The following DOCK10 variants were observed in gnomAD, a reference collection of about 807,000 sequenced individuals.
DOCK10 encodes dedicator of cytokinesis 10.
In DOCK10, 145 loss-of-function variants were observed where a neutral mutation model predicts 280.1. That is an observed-to-expected ratio of 0.52 (90% CI 0.45 to 0.59). DOCK10 has a LOEUF of 0.59. Ranked by LOEUF, DOCK10 falls within the 20% of genes least tolerant of loss-of-function variation. The pLI is 0.00. For missense variants in DOCK10, 2,368 were observed against 2,651.7 expected (o/e 0.89, Z 2.35); for synonymous variants, 915 against 942.2 (o/e 0.97, Z 0.53).
intron 3 of DOCK10, among the ~76,000 whole-genome samples, chr2:224,899,300 C>G (rs1485726278): frequency 6.6e-6 from 1 of 152,150 alleles, no homozygotes; most frequent in East Asian, 1.9e-4. Context: ...ATATTATCCC[C>G]TAATTCCCTA....
rs752888573 is a variant in DOCK10 at position 224,795,089 on chromosome 2, G to A, written c.4944C>T (p.Ser1648=). Residue 1648 remains serine, a synonymous_variant, in exon 45 of 56, where the codon AGC becomes AGT. Transcript: ENST00000258390. ...FANGDKQMKN[S]NFPAEVKDLT... is the part of the protein sequence containing the mutation. ...GGTCCTTCACCTCTGCTGGGAAATT[G>A]CTGTTCTTTGGAAAAGAGAGAGCCT... 1 of 1,613,674 alleles carries A rather than the reference G, an allele frequency of 6.2e-7. No homozygotes were observed. The highest frequency in any genetic ancestry group is 1.7e-5 in the Admixed American group (1 of 59,998).
chr2:224,785,761 G>A (rs1183382882), intron 50 of DOCK10, among the ~76,000 whole-genome samples: 2 of 152,186 alleles, frequency 1.3e-5, no homozygotes, highest in Non-Finnish European at 2.9e-5. Flanking sequence ...TTACAGGCGT[G>A]AGCCATGGCG....
In DOCK10 at chr2:224,875,973, T is replaced by C. The variant is rs575739635; in HGVS notation, c.931+65A>G. 7.2e-4 allele frequency: 1,107 copies of C among 1,527,546 alleles called. 15 individuals are homozygous for C. The highest frequency in any genetic ancestry group is 6.4e-3 in the South Asian group (512 of 80,118). 94.6% of individuals were successfully genotyped at this position (1,527,546 alleles called of 1,614,324 possible). A position where few individuals can be genotyped will look rare whatever the true frequency, so the allele number is the denominator to read the frequency against. On this transcript the variant is annotated intron_variant, in intron 8 of 55. Coordinates refer to ENST00000258390, the MANE Select transcript of DOCK10 (RefSeq NM_014689.3). Reference sequence around the variant, plus strand: ...GACAGCAACTACAATGCCTAGCAGCTTTAGTGAACCAAAAACACAGGTCAC... The same window carrying C: ...GACAGCAACTACAATGCCTAGCAGCCTTAGTGAACCAAAAACACAGGTCAC...
At chr2:224,811,312 GC>G (rs1693756588) in intron 31 of DOCK10, among the ~76,000 whole-genome samples, 1 of 152,112 alleles carries the variant, frequency 6.6e-6, no homozygotes, top group Non-Finnish European at 1.5e-5. Flanking sequence ...CATATGCTTT[GC>G]CCACTTTTTG....
At position 225,007,827 on chromosome 2, in the gene DOCK10, A is replaced by C. The variant is rs777516396; in HGVS notation, c.123+34425T>G. ...AATGATGGTTAGCTTTGGAAAGATA[A>C]GACTACAACAGGCTTGACAATTGTT... On this transcript the variant is annotated intron_variant, in intron 1 of 55. Coordinates refer to ENST00000258390, the MANE Select transcript of DOCK10 (RefSeq NM_014689.3). Among the ~76,000 whole-genome samples the C allele has an allele frequency of 8.5e-5, 13 of 152,358 alleles. No individual in the cohort carries two copies. In the South Asian group the frequency reaches 1.2e-3, roughly 15 times the overall value.
In DOCK10 at chr2:224,993,602, A is replaced by T. The variant is rs548730230; in HGVS notation, c.123+48650T>A. 7.2e-5 allele frequency among the ~76,000 whole-genome samples: 11 copies of T among 152,324 alleles called. No homozygotes were observed. The South Asian group carries it at 2.3e-3, about 32-fold the overall frequency. ...GCATTTCAGATGAGAAGAATGCAAG[A>T]CAGGATGCAGGATATTCATGTTCAT... On this transcript the variant is annotated intron_variant, in intron 1 of 55. Coordinates refer to ENST00000258390, the MANE Select transcript of DOCK10 (RefSeq NM_014689.3).
In DOCK10 at chr2:224,970,405, C is replaced by T. The variant is rs1039568299; in HGVS notation, c.124-38737G>A. ...AGGCTCAGGGAACTCAGGGAATTAT[C>T]CGAAGTCCTACAGTTCTCAAAAGGC... On this transcript the variant is annotated intron_variant, in intron 1 of 55. Coordinates refer to ENST00000258390, the MANE Select transcript of DOCK10 (RefSeq NM_014689.3). This position sits in a 1 kb window ranked among gnomAD's most constrained non-coding sequence, Gnocchi z 4.6. 1.3e-5 allele frequency among the ~76,000 whole-genome samples: 2 copies of T among 152,170 alleles called. No individual in the cohort carries two copies. The highest frequency in any genetic ancestry group is 4.8e-5 in the African/African-American group (2 of 41,424).
In DOCK10 at chr2:224,805,659, C is replaced by T; in HGVS notation, c.3815-130G>A. 8.3e-7 allele frequency: 1 copy of T among 1,210,688 alleles called. No individual in the cohort carries two copies. The highest frequency in any genetic ancestry group is 1.1e-6 in the Non-Finnish European group (1 of 870,576). The allele number at this position is 1,210,688 out of a possible 1,614,324, so 75.0% of individuals were successfully genotyped here. On this transcript the variant is annotated intron_variant, in intron 34 of 55. Transcript: ENST00000258390. The surrounding 1 kb of genome is among the most constrained non-coding windows in gnomAD (Gnocchi z 4.3). ...GCAGTGTTGTCAAAGACCAACATAA[C>T]AGCGTCTGGGATTGGCATTAAAGCC...
At chr2:224,848,004 A>T (rs949681712) in intron 19 of DOCK10, among the ~76,000 whole-genome samples, 1 of 152,216 alleles carries the variant, frequency 6.6e-6, no homozygotes. Flanking sequence ...TTATAAGAGG[A>T]AGGCAGAGTC....
chr2:224,836,900 A>ATT (rs35550784), intron 25 of DOCK10, among the ~76,000 whole-genome samples: 10 of 149,816 alleles, frequency 6.7e-5, no homozygotes, highest in African/African-American at 1.7e-4. Flanking sequence ...CGCTTGGCCG[A>ATT]TTTTTTTTTT....
intron 1 of DOCK10, among the ~76,000 whole-genome samples, chr2:224,967,332 G>A (rs982370700): frequency 2.0e-5 from 3 of 152,096 alleles, no homozygotes; most frequent in Admixed American, 6.5e-5. Flanking sequence ...TGCCCACCTC[G>A]GCCTCCCAAA....
chr2:224,808,229 T>G, intron 31 of DOCK10, 143 bp from the exon 32 acceptor site: 1 of 755,442 alleles, frequency 1.3e-6, no homozygotes, highest in Non-Finnish European at 2.1e-6. Context: ...AGAAATGAGG[T>G]GTGTTGTATC....
intron 2 of DOCK10, among the ~76,000 whole-genome samples, chr2:224,919,604 T>A (rs1235068663): frequency 6.6e-6 from 1 of 150,612 alleles, no homozygotes; most frequent in Admixed American, 6.6e-5. Context: ...GAATGTGATG[T>A]GTCAGTGTGT....
chr2:224,948,496 T>C (rs767956007), intron 1 of DOCK10, among the ~76,000 whole-genome samples: 3 of 152,248 alleles, frequency 2.0e-5, no homozygotes, highest in Non-Finnish European at 2.9e-5. Flanking sequence ...ATCTGACAGA[T>C]GAACAGGTAT....
chr2:225,024,379 T>C (rs1222421545), intron 1 of DOCK10, among the ~76,000 whole-genome samples: 2 of 152,230 alleles, frequency 1.3e-5, no homozygotes, highest in African/African-American at 2.4e-5. Context: ...GGGCATCATG[T>C]CTAAAATTTA....
intron 1 of DOCK10, among the ~76,000 whole-genome samples, chr2:225,010,259 G>A (rs1689396984): frequency 6.6e-6 from 1 of 152,094 alleles, no homozygotes; most frequent in Non-Finnish European, 1.5e-5. Context: ...GCCTTGCTGT[G>A]TTTAGTTTAT....
At chr2:225,035,692 C>A (rs1279930849) in intron 1 of DOCK10, among the ~76,000 whole-genome samples, 1 of 148,814 alleles carries the variant, frequency 6.7e-6, no homozygotes, top group Non-Finnish European at 1.5e-5. Flanking sequence ...GTGCGGGCTG[C>A]CATAATAACA....
chr2:224,831,068 C>T (rs1324114584), intron 26 of DOCK10, among the ~76,000 whole-genome samples: 2 of 151,984 alleles, frequency 1.3e-5, no homozygotes, highest in Non-Finnish European at 2.9e-5. Context: ...CGGACAGCTG[C>T]GACTACAGAT....
At chr2:224,901,787 T>A (rs1700315003) in intron 3 of DOCK10, among the ~76,000 whole-genome samples, 1 of 152,176 alleles carries the variant, frequency 6.6e-6, no homozygotes, top group South Asian at 2.1e-4. Context: ...TCCACATGAG[T>A]GATAATGTGG....
Sources: gnomAD v4.1 joint callset for allele counts (sites outside exome capture counted in the v4.1 genomes callset) on GRCh38, gnomAD v4.1.1 for gene constraint, Gnocchi (gnomAD v3.1) non-coding constraint, MANE v1.5 for transcripts, NCBI Gene and HGNC (gene_info 2026-07-23, HGNC 2026-07-21) for gene names.